GPM6A: variants seen among roughly 807,000 people sequenced by gnomAD.
The protein encoded by GPM6A is neuronal membrane glycoprotein M6-a.
Under a neutral mutation model 32.1 loss-of-function variants are expected in GPM6A, and 7 were observed. That is an observed-to-expected ratio of 0.22 (90% CI 0.12 to 0.41). GPM6A has a LOEUF of 0.41. Ranked by LOEUF, GPM6A falls within the 10% of genes least tolerant of loss-of-function variation. The probability of loss-of-function intolerance (pLI) is 1.00; values close to 1 mark genes in which losing one functional copy is unlikely to be tolerated. For missense variants in GPM6A, 235 were observed against 347.2 expected (o/e 0.68, Z 2.57); for synonymous variants, 130 against 123.4 (o/e 1.05, Z -0.35).
At chr4:175,720,633 T>C (rs537853260) in intron 1 of GPM6A, among the ~76,000 whole-genome samples, 1 of 152,318 alleles carries the variant, frequency 6.6e-6, no homozygotes, top group Non-Finnish European at 1.5e-5. Flanking sequence ...GACACAGCAC[T>C]GAAGAACCCC....
intron 1 of GPM6A, among the ~76,000 whole-genome samples, chr4:175,962,991 A>G (rs1016954754): frequency 6.6e-6 from 1 of 152,194 alleles, no homozygotes; most frequent in African/African-American, 2.4e-5. Context: ...AAATCTAAAG[A>G]GTGCTAGAAA....
chr4:175,843,162 G>C lies in GPM6A; in HGVS notation c.-22-30913C>G, dbSNP rs947408946. 1.4e-4 allele frequency among the ~76,000 whole-genome samples: 21 copies of C among 151,944 alleles called. 1 individual carries two copies. The highest frequency in any genetic ancestry group is 1.3e-4 in the Non-Finnish European group (9 of 67,972). On this transcript the variant is annotated intron_variant, in intron 1 of 7. Coordinates refer to the GPM6A transcript ENST00000280187. Reference sequence around the variant, plus strand: ...ATTGATCTATACCCATGAGCACAAGGAAAATATTTGCTTGCCAAAAAGAAG... The same window carrying C: ...ATTGATCTATACCCATGAGCACAAGCAAAATATTTGCTTGCCAAAAAGAAG...
chr4:175,864,331 T>A (rs1219523219), intron 1 of GPM6A, among the ~76,000 whole-genome samples: 1 of 152,068 alleles, frequency 6.6e-6, no homozygotes. Context: ...CATGCTCAGT[T>A]AATTTTTTGT....
intron 2 of GPM6A, among the ~76,000 whole-genome samples, chr4:175,686,002 G>A (rs762853603): frequency 5.9e-5 from 9 of 151,670 alleles, no homozygotes; most frequent in Non-Finnish European, 1.3e-4. Flanking sequence ...TTTTTGTCTC[G>A]TCCACATATT....
intron 1 of GPM6A, among the ~76,000 whole-genome samples, chr4:175,895,773 A>G (rs1414848957): frequency 6.6e-6 from 1 of 152,204 alleles, no homozygotes; most frequent in Admixed American, 6.5e-5. Context: ...TGTATTAAGT[A>G]TACTGTATAT....
upstream of GPM6A, chr4:175,812,301 G>GTT (rs70962418): frequency 9.5e-5 from 75 of 793,110 alleles, 13 homozygotes; most frequent in East Asian, 1.2e-3. Flanking sequence ...AAAACTGGGG[G>GTT]TTTTTTTTTT....
At chr4:175,985,774 T>C (rs1740954849) in intron 1 of GPM6A, among the ~76,000 whole-genome samples, 1 of 152,182 alleles carries the variant, frequency 6.6e-6, no homozygotes, top group African/African-American at 2.4e-5. Context: ...AAGTTAATGT[T>C]AAATTTTATT....
Position 175,919,191 on chromosome 4 carries a change from C to CT in GPM6A, c.-23+83117dup, listed in dbSNP as rs555276331. 7.2e-5 allele frequency among the ~76,000 whole-genome samples: 11 copies of CT among 151,976 alleles called. 1 individual carries two copies. The highest frequency in any genetic ancestry group is 6.2e-4 in the South Asian group (3 of 4,820). ...GAACTCAACCCTTCTCATGATTTTT[C>CT]TTTTTTTTCCCCTTCTCATGACTTT... On this transcript the variant is annotated intron_variant, in intron 1 of 7. Coordinates refer to the GPM6A transcript ENST00000280187.
At chr4:175,908,346 A>G (rs549561774) in intron 1 of GPM6A, among the ~76,000 whole-genome samples, 2 of 152,130 alleles carry the variant, frequency 1.3e-5, no homozygotes, top group South Asian at 2.1e-4. Context: ...GACCTTGAAC[A>G]TGCCTAGATT....
intron 1 of GPM6A, among the ~76,000 whole-genome samples, chr4:175,923,525 G>T (rs2877908): frequency 0.54 from 81,480 of 150,688 alleles, 25,933 homozygotes; most frequent in Non-Finnish European, 0.69. Context: ...CAGTTTTGGG[G>T]TTTTTTTTGT....
At chr4:175,717,004 T>C (rs1745874188) in intron 1 of GPM6A, among the ~76,000 whole-genome samples, 1 of 152,216 alleles carries the variant, frequency 6.6e-6, no homozygotes, top group African/African-American at 2.4e-5. Context: ...ACCTGGAGTA[T>C]GTCAGCCTCC....
intron 1 of GPM6A, among the ~76,000 whole-genome samples, chr4:175,718,199 G>T: frequency 6.6e-6 from 1 of 152,022 alleles, no homozygotes; most frequent in East Asian, 1.9e-4. Context: ...CTTTTAATGA[G>T]AACAGAATCC....
intron 6 of GPM6A, among the ~76,000 whole-genome samples, chr4:175,638,823 G>A (rs1386252976): frequency 6.6e-6 from 1 of 152,000 alleles, no homozygotes; most frequent in Non-Finnish European, 1.5e-5. Flanking sequence ...GGGTACATAT[G>A]TTTCCTCTGA....
chr4:175,962,458 CT>C (rs376142759), intron 1 of GPM6A: 9,788 of 653,606 alleles, frequency 0.015, 158 homozygotes, highest in African/African-American at 0.041. Context: ...ATAAGGCAAC[CT>C]TTTTTGCTTC....
chr4:175,871,056 G>A (rs2111438442), intron 1 of GPM6A, among the ~76,000 whole-genome samples: 1 of 151,858 alleles, frequency 6.6e-6, no homozygotes, highest in South Asian at 2.1e-4. Flanking sequence ...CTCCTGCTTG[G>A]TTTATTTGTA....
chr4:175,743,400 A>G (rs1279869493), intron 1 of GPM6A, among the ~76,000 whole-genome samples: 1 of 152,058 alleles, frequency 6.6e-6, no homozygotes. Flanking sequence ...TTTATAAAGG[A>G]ATTAATACTA....
chr4:175,761,940 A>T (rs1232244661), intron 1 of GPM6A, among the ~76,000 whole-genome samples: 1 of 152,052 alleles, frequency 6.6e-6, no homozygotes, highest in Non-Finnish European at 1.5e-5. Context: ...GATTACAGGC[A>T]TGCACCACCA....
intron 1 of GPM6A, among the ~76,000 whole-genome samples, chr4:175,859,067 A>G (rs1395936757): frequency 6.6e-6 from 1 of 152,184 alleles, no homozygotes; most frequent in Non-Finnish European, 1.5e-5. Flanking sequence ...TGGGGATGGA[A>G]GGAGGAGATG....
At chr4:175,648,580 T>C (rs1205195249) in intron 4 of GPM6A, among the ~76,000 whole-genome samples, 5 of 152,204 alleles carry the variant, frequency 3.3e-5, no homozygotes, top group Admixed American at 3.3e-4. Flanking sequence ...CAAGTTTGTC[T>C]CTTACAGTTC....
Sources: allele counts gnomAD v4.1 joint callset (sites outside exome capture counted in the v4.1 genomes callset), GRCh38; gene constraint gnomAD v4.1.1; transcripts MANE v1.5; gene names NCBI Gene and HGNC (gene_info 2026-07-23, HGNC 2026-07-21).